ERCC8: variants seen among roughly 807,000 people sequenced by gnomAD.
ERCC8 encodes the protein ERCC excision repair 8, CSA ubiquitin ligase complex subunit, also known as DNA excision repair protein ERCC-8.
A neutral mutation model predicts 54.9 loss-of-function variants in ERCC8; 52 were observed. The observed-to-expected ratio is 0.95, with a 90% CI of 0.76 to 1.19. The LOEUF is 1.19. Among genes scored for constraint, ERCC8 ranks in the 50% most tolerant of loss-of-function variants. ERCC8 has a pLI of 0.00. For synonymous variants in ERCC8, 146 were observed against 157.2 expected, an observed-to-expected ratio of 0.93 and a Z score of 0.53; for missense variants, 514 against 466.1, an observed-to-expected ratio of 1.10 and a Z score of -0.95.
Position 60,930,136 on chromosome 5 carries a change from CAAT to C in ERCC8, c.78-1180_78-1178del, listed in dbSNP as rs760069012. The stretch of plus-strand genomic sequence containing the variant: ...CTTCTAGACATTACATATAGTACAA[CAAT>C]GACAAGCAGGCCAGGCGCAGTGGCT... On this transcript the variant is annotated intron_variant, in intron 1 of 11. Transcript: ENST00000676185. Among the ~76,000 whole-genome samples, 38 of 152,224 alleles carry C rather than the reference CAAT, an allele frequency of 2.5e-4. No homozygotes were observed. In the Middle Eastern group the frequency reaches 0.014, roughly 55 times the overall value.
chr5:60,920,700 T>C (rs1343738132), intron 3 of ERCC8, among the ~76,000 whole-genome samples: 1 of 151,962 alleles, frequency 6.6e-6, no homozygotes. Context: ...GTCACACTTT[T>C]AAATATAGAA....
chr5:60,898,182 G>C, intron 9 of ERCC8, 94 bp downstream of exon 9: 1 of 1,349,066 alleles, frequency 7.4e-7, no homozygotes, highest in East Asian at 2.5e-5. Flanking sequence ...GTGATTAAAA[G>C]GGAATAAATG....
intron 11 of ERCC8, 103 bp from the exon 12 acceptor site, chr5:60,874,786 A>G: frequency 2.2e-6 from 2 of 926,320 alleles, no homozygotes; most frequent in Non-Finnish European, 3.3e-6. Flanking sequence ...AATAGCAATT[A>G]CATTATTTTG....
intron 2 of ERCC8, among the ~76,000 whole-genome samples, chr5:60,925,736 C>T (rs1178836252): frequency 6.6e-6 from 1 of 152,156 alleles, no homozygotes; most frequent in Non-Finnish European, 1.5e-5. Flanking sequence ...AAGTGTTAAT[C>T]TGGTTTTTCC....
At chr5:60,911,956 T>C (rs2112507014) in intron 4 of ERCC8, among the ~76,000 whole-genome samples, 2 of 152,332 alleles carry the variant, frequency 1.3e-5, no homozygotes, top group Admixed American at 1.3e-4. Context: ...TCTATATCTC[T>C]GTTTTGGTAC....
At chr5:60,892,665 A>T (rs1748599539) in intron 9 of ERCC8, 4 of 664,622 alleles carry the variant, frequency 6.0e-6, no homozygotes, top group African/African-American at 5.3e-5. Context: ...GATGGTCTCC[A>T]CTGGGGTCAT....
intron 9 of ERCC8, 47 bp from the exon 10 acceptor site, chr5:60,891,133 T>A: frequency 7.7e-7 from 1 of 1,298,296 alleles, no homozygotes; most frequent in Non-Finnish European, 1.1e-6. Flanking sequence ...AATCTGAATT[T>A]AAAACACAAC....
In ERCC8 at chr5:60,890,990, T is replaced by C. The variant is rs373203544; in HGVS notation, c.940A>G (p.Ser314Gly). ...TAAACTGTATAAACAGCAATGGTGC[T>C]ACCATATGGTACAAAAACAAATTCT... ...SSEFVFVPYG[S>G]TIAVYTVYSG... Residue 314 changes from serine to glycine, a missense_variant, in exon 10 of 12, where the codon AGC (serine) becomes GGC (glycine). Coordinates refer to ENST00000676185, the MANE Select transcript of ERCC8 (RefSeq NM_000082.4). The C allele has an allele frequency of 6.2e-7, 1 of 1,612,906 alleles. No homozygotes were observed. The highest frequency in any genetic ancestry group is 1.7e-5 in the Admixed American group (1 of 60,018).
chr5:60,888,839 A>G (rs1245826587), intron 10 of ERCC8, among the ~76,000 whole-genome samples: 2 of 152,226 alleles, frequency 1.3e-5, no homozygotes, highest in African/African-American at 2.4e-5. Context: ...TTATAGTTAC[A>G]AAGTAACCAA....
At chr5:60,884,523 G>GTTTTTTTTT (rs71606648) in intron 11 of ERCC8, among the ~76,000 whole-genome samples, 3 of 128,126 alleles carry the variant, frequency 2.3e-5, no homozygotes, top group Non-Finnish European at 3.2e-5. Context: ...GTGTGTATGT[G>GTTTTTTTTT]TTTTTTTTTT....
At chr5:60,930,394 T>C (rs1403159397) in intron 1 of ERCC8, among the ~76,000 whole-genome samples, 1 of 152,002 alleles carries the variant, frequency 6.6e-6, no homozygotes, top group Non-Finnish European at 1.5e-5. Flanking sequence ...CCGTCTCTAC[T>C]AAAAATACAA....
At chr5:60,941,107 G>T (rs1029998014) in intron 1 of ERCC8, among the ~76,000 whole-genome samples, 15 of 152,090 alleles carry the variant, frequency 9.9e-5, no homozygotes, top group African/African-American at 3.6e-4. Flanking sequence ...CTTCAGCCTA[G>T]GAGTTCAGGA....
intron 7 of ERCC8, among the ~76,000 whole-genome samples, chr5:60,901,971 C>T (rs1185366222): frequency 1.3e-5 from 2 of 152,030 alleles, no homozygotes; most frequent in Non-Finnish European, 2.9e-5. Context: ...TGATTTTTGA[C>T]TATATGCCTC....
chr5:60,913,709 T>G (rs1749342460), intron 4 of ERCC8, among the ~76,000 whole-genome samples: 1 of 152,158 alleles, frequency 6.6e-6, no homozygotes, highest in Non-Finnish European at 1.5e-5. Context: ...AGATCTTTCC[T>G]GCTTTCTCTT....
intron 2 of ERCC8, among the ~76,000 whole-genome samples, chr5:60,928,163 A>G (rs553525229): frequency 2.2e-4 from 34 of 152,356 alleles, no homozygotes; most frequent in Middle Eastern, 3.4e-3. Flanking sequence ...ATGCAGTGTT[A>G]TGACGAATTG....
intron 1 of ERCC8, among the ~76,000 whole-genome samples, chr5:60,944,088 A>C (rs1484352340): frequency 6.6e-6 from 1 of 152,216 alleles, no homozygotes; most frequent in African/African-American, 2.4e-5. Flanking sequence ...CCTCTCTCAG[A>C]GTATATTACC....
At position 60,890,949 on chromosome 5, in the gene ERCC8, T is replaced by C; in HGVS notation, c.981A>G (p.Ile327Met). The C allele has an allele frequency of 6.2e-7, 1 of 1,613,676 alleles. No individual in the cohort carries two copies. The highest frequency in any genetic ancestry group is 1.3e-5 in the African/African-American group (1 of 75,034). ...TTTTATAATGTCCCTTAAGCATAGT[T>C]ATCTGTTCTCCTGAGTAAACTGTAT... The part of the protein sequence containing the change: ...AVYTVYSGEQ[I>M]TMLKGHYKTV... The change falls in exon 10 of 12, where the codon ATA (isoleucine) becomes ATG (methionine). Residue 327 changes from isoleucine (I) to methionine (M), a missense_variant. Coordinates refer to ENST00000676185, the MANE Select transcript of ERCC8 (RefSeq NM_000082.4).
chr5:60,892,531 C>A, intron 9 of ERCC8: 1 of 622,338 alleles, frequency 1.6e-6, no homozygotes. Context: ...GCTGCCTGCT[C>A]CTGACTGTGT....
At chr5:60,887,255 A>C (rs1748421975) in intron 11 of ERCC8, among the ~76,000 whole-genome samples, 185 bp downstream of exon 11, 1 of 152,156 alleles carries the variant, frequency 6.6e-6, no homozygotes, top group South Asian at 2.1e-4. Context: ...GTCTCACTAC[A>C]TTGCCCAGGC....
Sources: gnomAD v4.1 joint callset for allele counts (sites outside exome capture counted in the v4.1 genomes callset) on GRCh38, gnomAD v4.1.1 for gene constraint, MANE v1.5 for transcripts, NCBI Gene and HGNC (gene_info 2026-07-23, HGNC 2026-07-21) for gene names.